SCAF11: variants seen among roughly 807,000 people sequenced by gnomAD.
SCAF11 encodes the protein protein SCAF11.
A neutral mutation model predicts 140.5 loss-of-function variants in SCAF11; 47 were observed. The observed-to-expected ratio is 0.33, with a 90% confidence interval of 0.26 to 0.43. The LOEUF (loss-of-function observed/expected upper bound fraction) is 0.43. Among genes scored for constraint, SCAF11 ranks in the 20% least tolerant of loss-of-function variants. SCAF11 has a pLI of 1.00. For missense variants in SCAF11, 1,645 were observed against 1,705.1 expected, an observed-to-expected ratio of 0.96 and a Z score of 0.62; for synonymous variants, 557 against 579.4, an observed-to-expected ratio of 0.96 and a Z score of 0.55.
rs575229881 is a variant in SCAF11 at position 45,962,924 on chromosome 12, T to G, written c.62-1067A>C. On this transcript the variant is annotated intron_variant, in intron 2 of 14. Coordinates refer to ENST00000369367, the MANE Select transcript of SCAF11 (RefSeq NM_004719.3). ...TCAAACATTACCAAACCTAAGAAAA[T>G]AAGCTGTCTTGAGTGAGAAGCAGCA... 3.3e-5 allele frequency among the ~76,000 whole-genome samples: 5 copies of G among 152,212 alleles called. No individual in the cohort carries two copies. In the South Asian group the frequency reaches 1.0e-3, roughly 32 times the overall value.
At chr12:45,988,692 A>G (rs1350874435) in intron 1 of SCAF11, among the ~76,000 whole-genome samples, 3 of 152,244 alleles carry the variant, frequency 2.0e-5, no homozygotes, top group African/African-American at 7.2e-5. Flanking sequence ...TTTATACTGA[A>G]GAATGTCTTT....
At chr12:45,951,334 A>T (rs981836259) in intron 4 of SCAF11, among the ~76,000 whole-genome samples, 21 of 152,146 alleles carry the variant, frequency 1.4e-4, no homozygotes, top group African/African-American at 5.1e-4. Context: ...CGCATTCAAG[A>T]TATTCTAAAA....
chr12:45,936,353 G>C lies in SCAF11; in HGVS notation c.464-1848C>G, dbSNP rs151185617. ...GATGGGGTTTCACCATATTGGTGAG[G>C]CTGGTCTTGAACTCCTGACCTCAGG... is the stretch of plus-strand genomic sequence containing the variant. On this transcript the variant is annotated intron_variant, in intron 6 of 14. Transcript: ENST00000369367. Among the ~76,000 whole-genome samples, 16 of 151,930 alleles carry C rather than the reference G, an allele frequency of 1.1e-4. No homozygotes were observed. The East Asian group carries it at 3.1e-3, about 29-fold the overall frequency.
intron 4 of SCAF11, among the ~76,000 whole-genome samples, chr12:45,949,041 C>T (rs1394436395): frequency 6.6e-6 from 1 of 152,142 alleles, no homozygotes; most frequent in African/African-American, 2.4e-5. Flanking sequence ...ATAAGAAAAT[C>T]TACAGGCATC....
chr12:45,991,814 C>A (rs1946618673), upstream of SCAF11: 2 of 1,120,128 alleles, frequency 1.8e-6, no homozygotes, highest in East Asian at 1.6e-4. Context: ...ACCTTCCAGT[C>A]CTCCCACCCA....
intron 3 of SCAF11, among the ~76,000 whole-genome samples, chr12:45,952,121 TCCC>T (rs1945565414): frequency 6.6e-6 from 1 of 151,952 alleles, no homozygotes; most frequent in East Asian, 1.9e-4. Flanking sequence ...CTTAATATTT[TCCC>T]CCCAAATTAG....
At chr12:45,953,763 G>A (rs748966791) in intron 3 of SCAF11, 72 of 396,294 alleles carry the variant, frequency 1.8e-4, no homozygotes, top group Non-Finnish European at 2.8e-4. Context: ...TAATAAACTC[G>A]AGCAAGTTAC....
chr12:45,951,490 A>AT (rs1295870013), intron 4 of SCAF11, among the ~76,000 whole-genome samples, 160 bp downstream of exon 4: 2 of 152,180 alleles, frequency 1.3e-5, no homozygotes, highest in African/African-American at 4.8e-5. Context: ...GAATTTAAGT[A>AT]TATTAGTTGA....
intron 4 of SCAF11, 86 bp downstream of exon 4, chr12:45,951,564 T>C: frequency 1.1e-6 from 1 of 878,972 alleles, no homozygotes; most frequent in South Asian, 1.9e-5. Flanking sequence ...GTTGAACAAT[T>C]TTCAAATATA....
intron 3 of SCAF11, among the ~76,000 whole-genome samples, chr12:45,956,752 A>AC (rs1453397342): frequency 1.3e-5 from 2 of 152,204 alleles, no homozygotes; most frequent in African/African-American, 4.8e-5. Flanking sequence ...CTAGTGTAAA[A>AC]ACAAGAAACT....
rs535952972 is a variant in SCAF11, at chr12:45,988,054, C to A, written c.-22+2299G>T. 2.2e-4 allele frequency among the ~76,000 whole-genome samples: 34 copies of A among 152,280 alleles called. 1 individual carries two copies. The South Asian group carries it at 7.0e-3, about 32-fold the overall frequency. On this transcript the variant is annotated intron_variant, in intron 1 of 14. Transcript: ENST00000369367. ...TATTTTAACTCTGGGCTCTACTCAG[C>A]ACTACTAACAGTTATTACTGCTCAG...
At position 45,926,784 on chromosome 12, in the gene SCAF11, C is replaced by A; in HGVS notation, c.2917G>T (p.Asp973Tyr). 6.2e-7 allele frequency: 1 copy of A among 1,614,154 alleles called. No homozygotes were observed. Among genetic ancestry groups the A allele is most frequent in the Non-Finnish European group, 8.5e-7 (1 of 1,180,036 alleles). ...TTTCCTCGTGGACATCTCCAACCAT[C>A]ATTTGCCCATCTTCCCTTCCACCGG... ...SPRWKGRWAN[D>Y]GWRCPRGNDR... The change falls in exon 11 of 15, where the codon GAT becomes TAT. Residue 973 changes from aspartate to tyrosine, a missense_variant. Physicochemically the swap from Asp to Tyr is radical, Grantham distance 160. Around this residue, in one of 2 missense-constraint regions of SCAF11, gnomAD observed 1,582 missense variants for 1,609.2 expected, o/e 0.98. Coordinates refer to ENST00000369367, the MANE Select transcript of SCAF11 (RefSeq NM_004719.3).
chr12:45,930,114 T>C (rs1945005819), intron 10 of SCAF11: 1 of 152,260 alleles, frequency 6.6e-6, no homozygotes, highest in Non-Finnish European at 1.5e-5. Flanking sequence ...TATTTATTGA[T>C]ACCCTAAGTT....
At position 45,921,925 on chromosome 12, in the gene SCAF11, T is replaced by A. The variant is rs1944723353; in HGVS notation, c.*123A>T. ...TAGAACAAAACATCATATCCTATGT[T>A]AAAAAAATAATTTTATCAAAACCAA... On this transcript the variant is annotated 3_prime_UTR_variant, in exon 15 of 15. Coordinates refer to ENST00000369367, the MANE Select transcript of SCAF11 (RefSeq NM_004719.3). 3 of 1,176,136 alleles carry A rather than the reference T, an allele frequency of 2.6e-6. No homozygotes were observed. In the South Asian group the frequency reaches 4.6e-5, roughly 18 times the overall value. 72.9% of individuals were successfully genotyped at this position (1,176,136 alleles called of 1,614,324 possible).
rs1946137270 is a variant in SCAF11, at chr12:45,972,961, T to TATATATAGATATATAG, written c.-21-8774_-21-8773insCTATATATCTATATAT. Among the ~76,000 whole-genome samples the TATATATAGATATATAG allele has an allele frequency of 2.4e-5, 2 of 82,288 alleles. 1 individual carries two copies. The highest frequency in any genetic ancestry group is 5.9e-5 in the Non-Finnish European group (2 of 33,996). The allele number at this position is 82,288 out of a possible 152,430, so 54.0% of individuals were successfully genotyped here. On this transcript the variant is annotated intron_variant, in intron 1 of 14. Coordinates refer to ENST00000369367, the MANE Select transcript of SCAF11 (RefSeq NM_004719.3). ...ATAGATATATATATAGATATATAGA[T>TATATATAGATATATAG]ATATATATAGATATATAGATATATA...
At chr12:45,972,993 G>T (rs960399663) in intron 1 of SCAF11, among the ~76,000 whole-genome samples, 33 of 135,586 alleles carry the variant, frequency 2.4e-4, no homozygotes, top group East Asian at 7.9e-4. Flanking sequence ...TATAGATATA[G>T]ATATATAGAT....
intron 1 of SCAF11, among the ~76,000 whole-genome samples, chr12:45,981,094 G>T (rs1385454844): frequency 1.3e-5 from 2 of 152,154 alleles, no homozygotes; most frequent in African/African-American, 4.8e-5. Context: ...AAATAATGCT[G>T]TTAGAGATTG....
At chr12:45,981,877 C>G (rs76825371) in intron 1 of SCAF11, among the ~76,000 whole-genome samples, 2,620 of 152,070 alleles carry the variant, frequency 0.017, 30 homozygotes, top group Middle Eastern at 0.034. Context: ...ATCGTGCACA[C>G]CAATTAAAAG....
At chr12:45,990,602 TCCCTC>T (rs1206411597), upstream of SCAF11, 52 of 1,219,202 alleles carry the variant, frequency 4.3e-5, no homozygotes, top group South Asian at 8.5e-5. Context: ...TCTAGCCTCC[TCCCTC>T]CCCTCCCCTC....
Sources: allele counts gnomAD v4.1 joint callset (sites outside exome capture counted in the v4.1 genomes callset), GRCh38; gene constraint gnomAD v4.1.1; regional missense constraint gnomAD v4.1.1; transcripts MANE v1.5; gene names NCBI Gene and HGNC (gene_info 2026-07-23, HGNC 2026-07-21).